The following SLC35F4 variants were observed in gnomAD, a reference collection of about 807,000 sequenced individuals.
SLC35F4 encodes the protein solute carrier family 35 member F4.
A neutral mutation model predicts 44.2 loss-of-function variants in SLC35F4; 24 were observed. The observed-to-expected ratio is 0.54, with a 90% CI of 0.39 to 0.76. The LOEUF (loss-of-function observed/expected upper bound fraction) is 0.76, where lower values mean the gene tolerates loss of function less well. Ranked by LOEUF, SLC35F4 falls within the 30% of genes least tolerant of loss-of-function variation. The probability of loss-of-function intolerance (pLI) is 0.00; values close to 1 mark genes in which losing one functional copy is unlikely to be tolerated. For synonymous variants in SLC35F4, 238 were observed against 223.6 expected (o/e 1.06, Z -0.57); for missense variants, 562 against 586.1 (o/e 0.96, Z 0.42).
At position 57,785,909 on chromosome 14, in the gene SLC35F4, A is replaced by G. The variant is rs563931852; in HGVS notation, c.103+79814T>C. Among the ~76,000 whole-genome samples, 197 of 152,154 alleles carry G rather than the reference A, an allele frequency of 1.3e-3. 1 individual carries two copies. The highest frequency in any genetic ancestry group is 2.0e-3 in the Non-Finnish European group (137 of 68,018). On this transcript the variant is annotated intron_variant, in intron 1 of 7. Coordinates refer to ENST00000556826, the MANE Select transcript of SLC35F4 (RefSeq NM_001306087.2). ...TGGTAACAATTTGAATGGGGCAAGA[A>G]GCCTCCTGGCCAGAACCTGGGGGAG...
chr14:57,658,407 T>C (rs62004024), intron 1 of SLC35F4, among the ~76,000 whole-genome samples: 9,245 of 152,280 alleles, frequency 0.061, 420 homozygotes, highest in South Asian at 0.094. Context: ...TTTTATTCAG[T>C]GCTTGTCACA....
intron 1 of SLC35F4, among the ~76,000 whole-genome samples, chr14:57,640,097 T>C (rs2073162169): frequency 6.6e-6 from 1 of 152,008 alleles, no homozygotes. Context: ...GTCCCTAATC[T>C]AGAAAGGCAG....
rs532757057 is a variant in SLC35F4, at chr14:57,945,061, G to A, written n.282+36852C>T. Among the ~76,000 whole-genome samples the A allele has an allele frequency of 8.2e-4, 125 of 151,974 alleles. 2 individuals are homozygous for A. The highest frequency in any genetic ancestry group is 2.9e-3 in the African/African-American group (120 of 41,276). ...CCTCATTTTTCCTTTAAAAACCTTGGTCTTCCTTTGCATCCAAGAATATGT... is the reference window on the plus strand; with the variant it reads ...CCTCATTTTTCCTTTAAAAACCTTGATCTTCCTTTGCATCCAAGAATATGT... On this transcript the variant is annotated intron_variant and non_coding_transcript_variant, in intron 1 of 1. Transcript: ENST00000556568.
intron 1 of SLC35F4, among the ~76,000 whole-genome samples, chr14:57,892,802 T>C (rs1888798404): frequency 6.6e-6 from 1 of 152,182 alleles, no homozygotes; most frequent in African/African-American, 2.4e-5. Flanking sequence ...CCAGGATCTC[T>C]AGGTCATTTT....
chr14:57,813,646 A>G, intron 1 of SLC35F4, among the ~76,000 whole-genome samples: 1 of 152,238 alleles, frequency 6.6e-6, no homozygotes, highest in East Asian at 1.9e-4. Context: ...ATGGGGTTTT[A>G]TAAGTATAAA....
chr14:57,587,771 T>C (rs2069862319), intron 3 of SLC35F4, among the ~76,000 whole-genome samples: 1 of 124,802 alleles, frequency 8.0e-6, no homozygotes, highest in East Asian at 2.3e-4. Flanking sequence ...TAAAGTACAA[T>C]AAAAACAGAA....
chr14:57,887,152 G>T (rs1888667888), intron 1 of SLC35F4, among the ~76,000 whole-genome samples: 1 of 152,204 alleles, frequency 6.6e-6, no homozygotes, highest in Non-Finnish European at 1.5e-5. Flanking sequence ...GCACTGTAGA[G>T]CAGGTTTACA....
Position 57,689,260 on chromosome 14 carries a change from G to A in SLC35F4, c.104-95136C>T, listed in dbSNP as rs551037509. On this transcript the variant is annotated intron_variant, in intron 1 of 7. Transcript: ENST00000556826. The stretch of plus-strand genomic sequence containing the variant: ...CTCATTCCACCCTCAACTCGTCTCT[G>A]TCTTACCCCCAGGCCATTCACCCTG... Among the ~76,000 whole-genome samples, 9 of 152,194 alleles carry A rather than the reference G, an allele frequency of 5.9e-5. No homozygotes were observed. The South Asian group carries it at 1.0e-3, about 18-fold the overall frequency.
At chr14:57,844,450 T>G (rs765867012) in intron 1 of SLC35F4, among the ~76,000 whole-genome samples, 16 of 152,218 alleles carry the variant, frequency 1.1e-4, no homozygotes, top group Non-Finnish European at 2.1e-4. Flanking sequence ...TCCAATGATT[T>G]AAATCATAGC....
chr14:57,624,983 G>T (rs1043009802), intron 1 of SLC35F4, among the ~76,000 whole-genome samples: 2 of 152,072 alleles, frequency 1.3e-5, no homozygotes, highest in Admixed American at 1.3e-4. Flanking sequence ...AGAAATAAAT[G>T]GTATTCCAAT....
intron 1 of SLC35F4, among the ~76,000 whole-genome samples, chr14:57,594,451 C>A (rs2070376416): frequency 1.3e-5 from 2 of 149,348 alleles, no homozygotes; most frequent in South Asian, 2.2e-4. Flanking sequence ...ATGGTAGCAA[C>A]AATCACAGTC....
At chr14:57,635,105 G>T (rs2072960822) in intron 1 of SLC35F4, among the ~76,000 whole-genome samples, 1 of 152,014 alleles carries the variant, frequency 6.6e-6, no homozygotes, top group Admixed American at 6.6e-5. Flanking sequence ...AATTGGTAAG[G>T]TGTGATGGCA....
chr14:57,736,933 G>A (rs948426615), intron 1 of SLC35F4, among the ~76,000 whole-genome samples: 3 of 145,454 alleles, frequency 2.1e-5, no homozygotes, highest in African/African-American at 7.3e-5. Flanking sequence ...AAACAATAAT[G>A]AGAAACACTG....
intron 1 of SLC35F4, among the ~76,000 whole-genome samples, chr14:57,709,009 A>G (rs1281116741): frequency 6.6e-6 from 1 of 152,196 alleles, no homozygotes; most frequent in Non-Finnish European, 1.5e-5. Context: ...AGGCAGAGCC[A>G]GGTGTATAGG....
intron 1 of SLC35F4, among the ~76,000 whole-genome samples, chr14:57,645,381 C>G (rs2073455528): frequency 6.6e-6 from 1 of 152,176 alleles, no homozygotes; most frequent in African/African-American, 2.4e-5. Context: ...CTCTTTGAAG[C>G]AATCGTGAAT....
chr14:57,616,055 T>G (rs752893944), intron 1 of SLC35F4, among the ~76,000 whole-genome samples: 1 of 152,220 alleles, frequency 6.6e-6, no homozygotes, highest in Non-Finnish European at 1.5e-5. Flanking sequence ...GTTTTTATAG[T>G]GACAAACTGT....
chr14:57,872,772 G>A (rs753211856), intron 1 of SLC35F4, among the ~76,000 whole-genome samples: 5 of 152,136 alleles, frequency 3.3e-5, no homozygotes, highest in African/African-American at 4.8e-5. Flanking sequence ...CCACAAGATC[G>A]TGCAACTAGT....
intron 1 of SLC35F4, chr14:57,596,963 G>T (rs1276490639): frequency 2.7e-6 from 3 of 1,119,916 alleles, no homozygotes; most frequent in Non-Finnish European, 3.6e-6. Flanking sequence ...ACCTGGAGAC[G>T]TATTCAGGGG....
chr14:57,974,622 G>A (rs997777664), downstream of SLC35F4, among the ~76,000 whole-genome samples: 1 of 152,120 alleles, frequency 6.6e-6, no homozygotes, highest in East Asian at 1.9e-4. Flanking sequence ...CTTCAGAATG[G>A]GCAGTTACAG....
Sources: allele counts gnomAD v4.1 joint callset (sites outside exome capture counted in the v4.1 genomes callset), GRCh38; gene constraint gnomAD v4.1.1; transcripts MANE v1.5; gene names NCBI Gene and HGNC (gene_info 2026-07-23, HGNC 2026-07-21).